Variants in SASH1 observed in about 807,000 individuals in gnomAD.
SASH1 encodes SAM and SH3 domain-containing protein 1.
A neutral mutation model predicts 125.2 loss-of-function variants in SASH1; 44 were observed. The observed-to-expected ratio is 0.35, with a 90% CI of 0.28 to 0.45. SASH1 has a LOEUF of 0.45. Ranked by LOEUF, SASH1 falls within the 20% of genes least tolerant of loss-of-function variation. The pLI is 1.00. For missense variants in SASH1, 1,426 were observed against 1,614.5 expected (o/e 0.88, Z 2.00); for synonymous variants, 639 against 649.1 (o/e 0.98, Z 0.24).
chr6:148,459,332 C>T (rs979758898), intron 4 of SASH1, among the ~76,000 whole-genome samples: 1 of 152,210 alleles, frequency 6.6e-6, no homozygotes, highest in Non-Finnish European at 1.5e-5. Context: ...GCCCACATCG[C>T]TCCTGCACTT....
chr6:148,275,627 C>G (rs757732205), intron 1 of SASH1, among the ~76,000 whole-genome samples: 1 of 152,182 alleles, frequency 6.6e-6, no homozygotes, highest in Non-Finnish European at 1.5e-5. Context: ...CAGTTCAAAA[C>G]TCTGCCTAGG....
At chr6:148,540,187 G>A (rs960168010) in intron 16 of SASH1, among the ~76,000 whole-genome samples, 21 of 152,172 alleles carry the variant, frequency 1.4e-4, no homozygotes, top group Non-Finnish European at 2.6e-4. Context: ...GTCAGCTTCT[G>A]TTCGCATAAC....
At chr6:148,445,673 T>G (rs973109243) in intron 4 of SASH1, among the ~76,000 whole-genome samples, 5 of 152,314 alleles carry the variant, frequency 3.3e-5, no homozygotes, top group Middle Eastern at 3.4e-3. Context: ...TCAAAGTGGC[T>G]GCTGCATCTT....
At chr6:148,432,543 G>T (rs750836977) in intron 2 of SASH1, among the ~76,000 whole-genome samples, 8 of 152,212 alleles carry the variant, frequency 5.3e-5, no homozygotes, top group Non-Finnish European at 1.2e-4. Flanking sequence ...AGCTGCATGT[G>T]GCTAAGCATC....
intron 8 of SASH1, among the ~76,000 whole-genome samples, chr6:148,507,528 G>A (rs533699782): frequency 2.6e-5 from 4 of 152,164 alleles, no homozygotes; most frequent in South Asian, 2.1e-4. Context: ...ATGCCACCAC[G>A]CCTGACTAAG....
the SASH1 span, among the ~76,000 whole-genome samples, chr6:148,213,596 A>AAT: frequency 6.6e-6 from 1 of 151,758 alleles, no homozygotes; most frequent in Non-Finnish European, 1.5e-5. Context: ...TTCTCAAGAA[A>AAT]ATTACCCATA....
Position 148,550,350 on chromosome 6 carries a change from CAAAT to C in SASH1, c.*1795_*1798del, listed in dbSNP as rs1335144289. On this transcript the variant is annotated 3_prime_UTR_variant, in exon 20 of 20. Coordinates refer to ENST00000367467, the MANE Select transcript of SASH1 (RefSeq NM_015278.5). Reference sequence around the variant, plus strand: ...ATAATATTTCATCTACTTATTAAAACAAATAATTTCCCTTGGGTTGGAGGGGAAG... The same window carrying C: ...ATAATATTTCATCTACTTATTAAAACAATTTCCCTTGGGTTGGAGGGGAAG... The C allele has an allele frequency of 5.3e-5, 8 of 152,164 alleles. No individual in the cohort carries two copies. Among genetic ancestry groups the C allele is most frequent in the African/African-American group, 1.7e-4 (7 of 41,438 alleles). 9.4% of individuals were successfully genotyped at this position (152,164 alleles called of 1,614,324 possible).
At chr6:148,421,153 GAAAGAAAGAAAGAAAGAAAGAAAGA>G (rs1785059808) in intron 2 of SASH1, among the ~76,000 whole-genome samples, 68 of 81,070 alleles carry the variant, frequency 8.4e-4, no homozygotes, top group Middle Eastern at 6.0e-3. Flanking sequence ...AAGGAAGAAA[GAAAGAAAGAAAGAAAGAAAGAAAGA>G]AAGAAAGAAA....
rs370035101 is a variant in SASH1 at position 148,345,594 on chromosome 6, A to G, written c.156+2371A>G. ...GTCTTGCAGGGAGACACCAGGCTAA[A>G]AGGGAGGGAAAGCTGTCATCCAAGT... On this transcript the variant is annotated intron_variant, in intron 1 of 19. Coordinates refer to ENST00000367467, the MANE Select transcript of SASH1 (RefSeq NM_015278.5). Among the ~76,000 whole-genome samples, 5 of 152,184 alleles carry G rather than the reference A, an allele frequency of 3.3e-5. No homozygotes were observed. In the South Asian group the frequency reaches 6.2e-4, roughly 19 times the overall value.
rs1781600415 is a variant in SASH1, at chr6:148,532,802, C to A, written c.1570C>A (p.Gln524Lys). The change falls in exon 14 of 20, where the codon CAA (glutamine) becomes AAA (lysine). Residue 524 changes from glutamine (Q) to lysine (K), a missense_variant. This residue lies in a region of SASH1 where 225 missense variants were observed against 344.5 expected (regional missense o/e 0.65). Coordinates refer to ENST00000367467, the MANE Select transcript of SASH1 (RefSeq NM_015278.5). This position sits in a 1 kb window ranked among gnomAD's most constrained non-coding sequence, Gnocchi z 4.7. ...SLSGQSSMSG[Q>K]TVSTTDSSTS... is the part of the protein sequence containing the mutation. ...TTCCTATGTTTCCTGTACAGGCGGTCAAACAGTGAGCACCACTGATTCCTC... is the reference window on the plus strand; with the variant it reads ...TTCCTATGTTTCCTGTACAGGCGGTAAAACAGTGAGCACCACTGATTCCTC... 6.2e-7 allele frequency: 1 copy of A among 1,614,130 alleles called. No homozygotes were observed. Among genetic ancestry groups the A allele is most frequent in the South Asian group, 1.1e-5 (1 of 91,060 alleles).
At chr6:148,443,826 T>C (rs1776661308) in intron 4 of SASH1, among the ~76,000 whole-genome samples, 1 of 152,340 alleles carries the variant, frequency 6.6e-6, no homozygotes, top group South Asian at 2.1e-4. Context: ...AAGATGCAAA[T>C]AGACAATCTC....
intron 4 of SASH1, among the ~76,000 whole-genome samples, chr6:148,464,332 G>A (rs765588241): frequency 6.6e-6 from 1 of 152,156 alleles, no homozygotes; most frequent in African/African-American, 2.4e-5. Context: ...ATAATTAAAT[G>A]TTTAAATGGA....
chr6:148,242,875 G>T, the SASH1 span, among the ~76,000 whole-genome samples: 1 of 152,094 alleles, frequency 6.6e-6, no homozygotes, highest in Non-Finnish European at 1.5e-5. Context: ...ATGGGCTCTG[G>T]CTCTATGCTG....
chr6:148,339,623 C>A (rs928544318), upstream of SASH1, among the ~76,000 whole-genome samples: 4 of 152,022 alleles, frequency 2.6e-5, no homozygotes, highest in Admixed American at 2.6e-4. Context: ...TGGCTCACTG[C>A]AACCTCCACT....
At chr6:148,486,113 A>G (rs1562450548) in intron 7 of SASH1, among the ~76,000 whole-genome samples, 1 of 152,134 alleles carries the variant, frequency 6.6e-6, no homozygotes, top group Non-Finnish European at 1.5e-5. Context: ...TCACTTTGCT[A>G]TAGCCTTTCT....
At chr6:148,408,164 A>G (rs948945517) in intron 2 of SASH1, among the ~76,000 whole-genome samples, 2 of 118,736 alleles carry the variant, frequency 1.7e-5, no homozygotes, top group African/African-American at 3.3e-5. Flanking sequence ...TTTTTTTGAG[A>G]CAGAGTCTTG....
intron 1 of SASH1, among the ~76,000 whole-genome samples, chr6:148,305,586 T>G (rs1412107805): frequency 1.4e-5 from 2 of 139,682 alleles, no homozygotes; most frequent in Non-Finnish European, 3.0e-5. Flanking sequence ...ATCGTGCCAT[T>G]GCACTCCAGC....
chr6:148,435,970 A>T (rs1456818286), intron 2 of SASH1, among the ~76,000 whole-genome samples: 3 of 152,228 alleles, frequency 2.0e-5, no homozygotes, highest in African/African-American at 7.2e-5. Context: ...AAAAGCCACG[A>T]GATAATCCTT....
chr6:148,196,217 G>A, the SASH1 span, among the ~76,000 whole-genome samples: 1 of 152,196 alleles, frequency 6.6e-6, no homozygotes, highest in Non-Finnish European at 1.5e-5. Context: ...TTTCATGTCA[G>A]ACATAACTGG....
Sources: gnomAD v4.1 joint callset for allele counts (sites outside exome capture counted in the v4.1 genomes callset) on GRCh38, gnomAD v4.1.1 for gene constraint, gnomAD v4.1.1 regional missense constraint, Gnocchi (gnomAD v3.1) non-coding constraint, MANE v1.5 for transcripts, NCBI Gene and HGNC (gene_info 2026-07-23, HGNC 2026-07-21) for gene names.